ANO3: variants seen among roughly 807,000 people sequenced by gnomAD.
The protein encoded by ANO3 is anoctamin 3.
Under a neutral mutation model 144.8 loss-of-function variants are expected in ANO3, and 99 were observed. The ratio of observed to expected loss-of-function variants is 0.68; its 90% CI spans 0.58 to 0.81. The LOEUF (loss-of-function observed/expected upper bound fraction) is 0.81, where lower values mean the gene tolerates loss of function less well. Ranked by LOEUF, ANO3 falls within the 30% of genes least tolerant of loss-of-function variation. The pLI is 0.00. For synonymous variants in ANO3, 414 were observed against 392.6 expected, an observed-to-expected ratio of 1.05 and a Z score of -0.64; for missense variants, 905 against 1,202.2, an observed-to-expected ratio of 0.75 and a Z score of 3.66.
At chr11:26,236,621 A>C (rs933316219) in intron 1 of ANO3, among the ~76,000 whole-genome samples, 1 of 152,078 alleles carries the variant, frequency 6.6e-6, no homozygotes, top group Non-Finnish European at 1.5e-5. Context: ...GACCAAGACC[A>C]TCCTGGCTAA....
At chr11:26,277,396 C>A (rs1169937346) in intron 1 of ANO3, among the ~76,000 whole-genome samples, 1 of 152,014 alleles carries the variant, frequency 6.6e-6, no homozygotes, top group Non-Finnish European at 1.5e-5. Context: ...TTTTGATTCC[C>A]AGGATGTCTG....
At chr11:26,475,932 A>G (rs1859950064) in intron 4 of ANO3, among the ~76,000 whole-genome samples, 1 of 151,982 alleles carries the variant, frequency 6.6e-6, no homozygotes, top group Non-Finnish European at 1.5e-5. Flanking sequence ...GAATGTCAGG[A>G]TTACCTAGAG....
At chr11:26,375,931 G>T (rs1856393755) in intron 1 of ANO3, among the ~76,000 whole-genome samples, 1 of 152,152 alleles carries the variant, frequency 6.6e-6, no homozygotes, top group South Asian at 2.1e-4. Context: ...ACTCTGTGAG[G>T]ATGACAGGAG....
intron 1 of ANO3, among the ~76,000 whole-genome samples, chr11:26,398,998 G>A (rs1483869145): frequency 2.6e-5 from 4 of 151,942 alleles, no homozygotes; most frequent in African/African-American, 9.7e-5. Context: ...GCAAGTGGAT[G>A]GAACAGTTAA....
chr11:26,213,380 C>A (rs1409597870), intron 1 of ANO3, among the ~76,000 whole-genome samples: 2 of 151,654 alleles, frequency 1.3e-5, no homozygotes, highest in South Asian at 4.2e-4. Flanking sequence ...ATTTAGAAGC[C>A]CCATCATCTC....
intron 4 of ANO3, among the ~76,000 whole-genome samples, chr11:26,495,854 A>G (rs1590417011): frequency 6.6e-6 from 1 of 152,212 alleles, no homozygotes; most frequent in South Asian, 2.1e-4. Flanking sequence ...CTCCACATAC[A>G]TGACTAATGG....
intron 8 of ANO3, 44 bp downstream of exon 8, chr11:26,531,380 G>A: frequency 6.4e-7 from 1 of 1,558,668 alleles, no homozygotes; most frequent in South Asian, 1.2e-5. Flanking sequence ...TTATATCTTG[G>A]TGGGGCTTGT....
rs147135623 is a variant in ANO3, at chr11:26,662,316, C to CG, written c.*1872_*1873insG. The CG allele has an allele frequency of 1.9e-4, 21 of 108,122 alleles. No homozygotes were observed. Among genetic ancestry groups the CG allele is most frequent in the East Asian group, 1.3e-3 (6 of 4,560 alleles). 6.7% of individuals were successfully genotyped at this position (108,122 alleles called of 1,614,324 possible). ...AGATTCCAGAGAGGTTCTCATGCTC[C>CG]CCCCCCTCCTTATTTGTAGCAATCG... On this transcript the variant is annotated 3_prime_UTR_variant, in exon 27 of 27. Coordinates refer to ENST00000256737, the MANE Select transcript of ANO3 (RefSeq NM_031418.4).
intron 4 of ANO3, among the ~76,000 whole-genome samples, chr11:26,499,245 T>C (rs1171384844): frequency 1.3e-5 from 2 of 151,866 alleles, no homozygotes; most frequent in Non-Finnish European, 3.0e-5. Context: ...TAACTTACCT[T>C]TTCACAATCT....
intron 11 of ANO3, among the ~76,000 whole-genome samples, chr11:26,544,273 T>TATATATATATATATATATATAC: frequency 0.022 from 1,280 of 57,874 alleles, 75 homozygotes; most frequent in Non-Finnish European, 0.027. Flanking sequence ...TATATATATA[T>TATATATATATATATATATATAC]ACACACATAC....
At chr11:26,639,049 C>T in intron 20 of ANO3, 95 bp from the exon 21 acceptor site, 1 of 809,198 alleles carries the variant, frequency 1.2e-6, no homozygotes, top group Non-Finnish European at 2.1e-6. Context: ...TGGTGTGACC[C>T]AGCTTTAAAA....
At chr11:26,348,166 G>T (rs1199937590) in intron 1 of ANO3, among the ~76,000 whole-genome samples, 1 of 151,956 alleles carries the variant, frequency 6.6e-6, no homozygotes. Flanking sequence ...TTTGAAAGAA[G>T]CATACATCTG....
At chr11:26,306,936 C>A (rs1423730423), upstream of ANO3, among the ~76,000 whole-genome samples, 1 of 152,042 alleles carries the variant, frequency 6.6e-6, no homozygotes, top group Non-Finnish European at 1.5e-5. Flanking sequence ...ATGCCACAAC[C>A]TTTATTGAAG....
chr11:26,642,000 A>G lies in ANO3; in HGVS notation c.2246A>G (p.His749Arg). 1 of 1,613,928 alleles carries G rather than the reference A, an allele frequency of 6.2e-7. No individual in the cohort carries two copies. The highest frequency in any genetic ancestry group is 8.5e-7 in the Non-Finnish European group (1 of 1,179,922). Residue 749 changes from histidine to arginine, a missense_variant, in exon 22 of 27, where the codon CAT becomes CGT. Coordinates refer to ENST00000256737, the MANE Select transcript of ANO3 (RefSeq NM_031418.4). ...TGGAATCTGCAGCCCATGAACCTTC[A>G]TGGACTGATGGATGAGTACTTAGAA... ...NDWNLQPMNL[H>R]GLMDEYLEMV...
At chr11:26,614,510 T>G (rs1322597327) in intron 17 of ANO3, among the ~76,000 whole-genome samples, 2 of 152,106 alleles carry the variant, frequency 1.3e-5, no homozygotes, top group Non-Finnish European at 2.9e-5. Flanking sequence ...TGGGTCCAGG[T>G]TCAAAATAGT....
At chr11:26,651,272 G>A (rs983407984) in intron 24 of ANO3, among the ~76,000 whole-genome samples, 2 of 152,136 alleles carry the variant, frequency 1.3e-5, no homozygotes, top group African/African-American at 4.8e-5. Flanking sequence ...GAATGAAAAC[G>A]TCATTGATAT....
chr11:26,348,178 A>G (rs1224620947), intron 1 of ANO3, among the ~76,000 whole-genome samples: 2 of 152,194 alleles, frequency 1.3e-5, no homozygotes, highest in Non-Finnish European at 2.9e-5. Context: ...ATACATCTGA[A>G]ATTATCACCA....
chr11:26,461,997 A>G (rs1293909125), intron 3 of ANO3, among the ~76,000 whole-genome samples: 2 of 152,020 alleles, frequency 1.3e-5, no homozygotes, highest in Admixed American at 6.6e-5. Flanking sequence ...ATCCTAAGAC[A>G]TAATATGACC....
chr11:26,650,781 C>T (rs534368423), intron 24 of ANO3, among the ~76,000 whole-genome samples: 2 of 152,138 alleles, frequency 1.3e-5, no homozygotes, highest in South Asian at 2.1e-4. Context: ...AATGCCAAAG[C>T]GTAATGGTCG....
Sources: gnomAD v4.1 joint callset for allele counts (sites outside exome capture counted in the v4.1 genomes callset) on GRCh38, gnomAD v4.1.1 for gene constraint, MANE v1.5 for transcripts, NCBI Gene and HGNC (gene_info 2026-07-23, HGNC 2026-07-21) for gene names.